The following TMCC1 variants were observed in gnomAD, a reference collection of about 807,000 sequenced individuals.
TMCC1 encodes transmembrane and coiled-coil domain family 1.
TMCC1 carries 15 observed loss-of-function variants against 52.4 expected under a neutral mutation model. The ratio of observed to expected loss-of-function variants is 0.29; its 90% CI spans 0.19 to 0.44. The LOEUF (loss-of-function observed/expected upper bound fraction) is 0.44, where lower values mean the gene tolerates loss of function less well. TMCC1 is among the 20% of genes least tolerant of loss of function. The probability of loss-of-function intolerance (pLI) is 1.00; values close to 1 mark genes in which losing one functional copy is unlikely to be tolerated. For synonymous variants in TMCC1, 279 were observed against 301.9 expected (o/e 0.92, Z 0.79); for missense variants, 503 against 806.0 (o/e 0.62, Z 4.55).
intron 4 of TMCC1, among the ~76,000 whole-genome samples, chr3:129,784,306 T>C (rs1421869205): frequency 2.0e-5 from 3 of 152,134 alleles, no homozygotes; most frequent in Admixed American, 6.5e-5. Flanking sequence ...AGGCTGGGCA[T>C]GGTGGCTCGC....
At chr3:129,843,545 AC>A (rs1560531363) in intron 2 of TMCC1, among the ~76,000 whole-genome samples, 2 of 152,116 alleles carry the variant, frequency 1.3e-5, no homozygotes, top group African/African-American at 4.8e-5. Flanking sequence ...AGGAGAAAGG[AC>A]ATCAATACTG....
At chr3:129,748,494 G>T (rs544506713) in intron 4 of TMCC1, among the ~76,000 whole-genome samples, 1 of 152,152 alleles carries the variant, frequency 6.6e-6, no homozygotes, top group South Asian at 2.1e-4. Context: ...TACCATGTTG[G>T]CCAGGCTGGT....
intron 4 of TMCC1, among the ~76,000 whole-genome samples, chr3:129,717,786 A>G (rs1002738322): frequency 6.6e-6 from 1 of 152,154 alleles, no homozygotes; most frequent in Non-Finnish European, 1.5e-5. Flanking sequence ...ATGATCATAT[A>G]TTGTCTGAGT....
At chr3:129,706,315 C>G (rs2048241873) in intron 4 of TMCC1, among the ~76,000 whole-genome samples, 1 of 151,920 alleles carries the variant, frequency 6.6e-6, no homozygotes, top group Admixed American at 6.6e-5. Flanking sequence ...AAGTGATTCG[C>G]CTGCCTCAGC....
chr3:129,753,212 AT>A (rs2052690266), intron 4 of TMCC1, among the ~76,000 whole-genome samples: 1 of 152,196 alleles, frequency 6.6e-6, no homozygotes, highest in African/African-American at 2.4e-5. Context: ...TTTTTGTCCA[AT>A]GTTTACCTAA....
At chr3:129,729,896 C>A (rs117657207) in intron 4 of TMCC1, among the ~76,000 whole-genome samples, 5 of 151,906 alleles carry the variant, frequency 3.3e-5, no homozygotes, top group African/African-American at 1.2e-4. Flanking sequence ...GAATATTGAG[C>A]GGAGATGGGA....
chr3:129,709,119 T>C (rs1364772188), intron 4 of TMCC1, among the ~76,000 whole-genome samples: 1 of 152,152 alleles, frequency 6.6e-6, no homozygotes, highest in East Asian at 1.9e-4. Flanking sequence ...TAAGATTAAA[T>C]AACTAAACTT....
Position 129,885,662 on chromosome 3 carries a change from A to G in TMCC1, c.-434-5103T>C, listed in dbSNP as rs184862349. 2.5e-3 allele frequency among the ~76,000 whole-genome samples: 386 copies of G among 152,328 alleles called. 3 individuals carry two copies. Among genetic ancestry groups the G allele is most frequent in the Non-Finnish European group, 2.9e-3 (199 of 68,022 alleles). ...ACCTGAGGGAATGTGGTTAGAATAAAATCTCTGTAACATCACTGATGCCAA... is the reference window on the plus strand; with the variant it reads ...ACCTGAGGGAATGTGGTTAGAATAAGATCTCTGTAACATCACTGATGCCAA... On this transcript the variant is annotated intron_variant, in intron 1 of 6. Transcript: ENST00000393238.
chr3:129,834,921 C>T (rs2059086286), intron 2 of TMCC1, among the ~76,000 whole-genome samples: 1 of 152,118 alleles, frequency 6.6e-6, no homozygotes, highest in African/African-American at 2.4e-5. Flanking sequence ...TTCATTTAGC[C>T]CCAAAGAAAT....
intron 4 of TMCC1, among the ~76,000 whole-genome samples, chr3:129,672,125 T>G (rs190853231): frequency 1.3e-5 from 2 of 152,000 alleles, no homozygotes; most frequent in South Asian, 4.2e-4. Context: ...TTCAAAGGAG[T>G]TGAAGAAAAA....
At chr3:129,842,640 A>G (rs1036771345) in intron 2 of TMCC1, among the ~76,000 whole-genome samples, 1 of 152,204 alleles carries the variant, frequency 6.6e-6, no homozygotes, top group African/African-American at 2.4e-5. Flanking sequence ...TCACAAAGAT[A>G]TACCATATTC....
intron 4 of TMCC1, among the ~76,000 whole-genome samples, chr3:129,750,188 TTTATTTATTTAC>T (rs2052366786): frequency 1.3e-5 from 2 of 152,126 alleles, no homozygotes; most frequent in Admixed American, 1.3e-4. Context: ...TTTATTATTA[TTTATTTATTTAC>T]TTATTTTGAG....
chr3:129,702,249 GT>G (rs752613414), intron 4 of TMCC1, among the ~76,000 whole-genome samples: 15,923 of 126,608 alleles, frequency 0.13, 2,158 homozygotes, highest in African/African-American at 0.36. Context: ...GTCCCCAATT[GT>G]TTTTTTTTTT....
At chr3:129,720,744 C>T (rs2049512335) in intron 4 of TMCC1, among the ~76,000 whole-genome samples, 2 of 152,126 alleles carry the variant, frequency 1.3e-5, no homozygotes, top group South Asian at 4.2e-4. Context: ...ACCCAGGCTG[C>T]AGTGCAGTAG....
chr3:129,834,241 A>G (rs2059052887), intron 2 of TMCC1, among the ~76,000 whole-genome samples: 1 of 152,176 alleles, frequency 6.6e-6, no homozygotes, highest in Non-Finnish European at 1.5e-5. Flanking sequence ...GGCAGTAATC[A>G]CAGTATGTTT....
intron 4 of TMCC1, among the ~76,000 whole-genome samples, chr3:129,712,001 CAAAAAAAAAAAA>C (rs71155567): frequency 2.1e-5 from 1 of 47,718 alleles, no homozygotes; most frequent in South Asian, 1.4e-3. Flanking sequence ...GACTCTGTCT[CAAAAAAAAAAAA>C]AAAAAAAAAA....
Position 129,880,425 on chromosome 3 carries a change from A to C in TMCC1, c.-300T>G, listed in dbSNP as rs975592107. ...AAAAAGACATAGAAACAGAAGATCC[A>C]TATGAAAAAGAGATCCAATCTGGGA... On this transcript the variant is annotated 5_prime_UTR_variant, in exon 2 of 7. An upstream start codon of the reference 5' UTR is lost. Coordinates refer to ENST00000393238, the MANE Select transcript of TMCC1 (RefSeq NM_001017395.5). 2.0e-5 allele frequency: 3 copies of C among 152,230 alleles called. No individual in the cohort carries two copies. The highest frequency in any genetic ancestry group is 4.4e-5 in the Non-Finnish European group (3 of 68,040). 9.4% of individuals were successfully genotyped at this position (152,230 alleles called of 1,614,324 possible).
In TMCC1 at chr3:129,670,899, G is replaced by A; in HGVS notation, c.942C>T (p.Ile314=). 1.2e-6 allele frequency: 2 copies of A among 1,614,160 alleles called. No individual in the cohort carries two copies. The highest frequency in any genetic ancestry group is 1.7e-6 in the Non-Finnish European group (2 of 1,180,030). ...TGAAGACATCCTTTGGCTGCCGGGG[G>A]ATCCCATTCTGCTCTACCTCTCTGA... ...RKLREVEQNG[I]PRQPKDVFRD... The change falls in exon 5 of 7, where the codon ATC becomes ATT. Residue 314 remains isoleucine (I), a synonymous_variant. Coordinates refer to ENST00000393238, the MANE Select transcript of TMCC1 (RefSeq NM_001017395.5).
At chr3:129,706,282 C>T (rs2048239150) in intron 4 of TMCC1, among the ~76,000 whole-genome samples, 1 of 151,810 alleles carries the variant, frequency 6.6e-6, no homozygotes, top group South Asian at 2.1e-4. Flanking sequence ...CGGCTTACTG[C>T]AACCTCCGCC....
Sources: gnomAD v4.1 joint callset for allele counts (sites outside exome capture counted in the v4.1 genomes callset) on GRCh38, gnomAD v4.1.1 for gene constraint, MANE v1.5 for transcripts, NCBI Gene and HGNC (gene_info 2026-07-23, HGNC 2026-07-21) for gene names.